Variants in TSHZ2 observed in about 807,000 individuals in gnomAD.
TSHZ2 encodes the protein teashirt homolog 2.
A neutral mutation model predicts 74.4 loss-of-function variants in TSHZ2; 21 were observed. That is an observed-to-expected ratio of 0.28 (90% CI 0.20 to 0.41). The LOEUF (loss-of-function observed/expected upper bound fraction) is 0.41, where lower values mean the gene tolerates loss of function less well. Ranked by LOEUF, TSHZ2 falls within the 10% of genes least tolerant of loss-of-function variation. The pLI, the probability that TSHZ2 is intolerant of heterozygous loss-of-function variation, is 1.00. For missense variants in TSHZ2, 1,244 were observed against 1,293.5 expected, an observed-to-expected ratio of 0.96 and a Z score of 0.59; for synonymous variants, 540 against 515.3, an observed-to-expected ratio of 1.05 and a Z score of -0.65.
At chr20:53,218,998 T>C (rs1989495397) in intron 1 of TSHZ2, among the ~76,000 whole-genome samples, 1 of 152,174 alleles carries the variant, frequency 6.6e-6, no homozygotes, top group Admixed American at 6.5e-5. Flanking sequence ...CAAAACAAGA[T>C]TGGGCAAAAT....
chr20:53,414,200 A>T (rs1319842968), intron 2 of TSHZ2, among the ~76,000 whole-genome samples: 1 of 152,232 alleles, frequency 6.6e-6, no homozygotes, highest in Non-Finnish European at 1.5e-5. Context: ...GTTTATGTAG[A>T]GAACATTTCT....
intron 1 of TSHZ2, among the ~76,000 whole-genome samples, chr20:53,118,848 G>A (rs888199481): frequency 6.6e-6 from 1 of 152,186 alleles, no homozygotes; most frequent in Non-Finnish European, 1.5e-5. Context: ...AAAAGAGCCT[G>A]TTCCACAGGC....
At chr20:53,176,650 A>G (rs1685464292) in intron 1 of TSHZ2, among the ~76,000 whole-genome samples, 1 of 151,774 alleles carries the variant, frequency 6.6e-6, no homozygotes, top group Non-Finnish European at 1.5e-5. Context: ...TTATCTCTAA[A>G]TTATATTTTT....
intron 1 of TSHZ2, among the ~76,000 whole-genome samples, chr20:53,182,801 C>T (rs1009580109): frequency 2.0e-5 from 3 of 152,168 alleles, no homozygotes; most frequent in Non-Finnish European, 2.9e-5. Flanking sequence ...CTGTGTGTCT[C>T]TCCTCTCTTT....
intron 1 of TSHZ2, among the ~76,000 whole-genome samples, chr20:53,058,561 A>C (rs1047349576): frequency 6.6e-6 from 1 of 152,202 alleles, no homozygotes; most frequent in Admixed American, 6.5e-5. Flanking sequence ...CCACACACCC[A>C]TGAAGCTGAC....
intron 2 of TSHZ2, among the ~76,000 whole-genome samples, chr20:53,257,459 A>G (rs1990508135): frequency 6.6e-6 from 1 of 152,252 alleles, no homozygotes; most frequent in Non-Finnish European, 1.5e-5. Flanking sequence ...CATGCCTTAT[A>G]TAGTCAACCA....
rs1054905673 is a variant in TSHZ2 at position 53,074,916 on chromosome 20, T to C, written c.40+101583T>C. Reference sequence around the variant, plus strand: ...AGAAAGAACCCCAACCCTCCCAAGGTATTTGACCTTGCAGGTCAGTGTTTT... The same window carrying C: ...AGAAAGAACCCCAACCCTCCCAAGGCATTTGACCTTGCAGGTCAGTGTTTT... On this transcript the variant is annotated intron_variant, in intron 1 of 2. Transcript: ENST00000371497. This position sits in a 1 kb window ranked among gnomAD's most constrained non-coding sequence, Gnocchi z 5.9. Among the ~76,000 whole-genome samples the C allele has an allele frequency of 1.3e-5, 2 of 152,168 alleles. No individual in the cohort carries two copies. Among genetic ancestry groups the C allele is most frequent in the African/African-American group, 4.8e-5 (2 of 41,444 alleles).
intron 1 of TSHZ2, among the ~76,000 whole-genome samples, chr20:53,065,164 T>C (rs1008729902): frequency 3.9e-5 from 6 of 152,114 alleles, no homozygotes; most frequent in African/African-American, 1.4e-4. Context: ...CTTAAAGGAG[T>C]TGGTGACACT....
intron 2 of TSHZ2, among the ~76,000 whole-genome samples, chr20:53,330,414 C>A (rs1405856597): frequency 1.3e-5 from 2 of 152,054 alleles, no homozygotes; most frequent in Non-Finnish European, 2.9e-5. Flanking sequence ...ATGCCTTTAA[C>A]GTTAAGAGTG....
chr20:53,418,234 G>A (rs1983342017), intron 2 of TSHZ2, among the ~76,000 whole-genome samples: 1 of 152,176 alleles, frequency 6.6e-6, no homozygotes, highest in Non-Finnish European at 1.5e-5. Context: ...ATGGGTGTGG[G>A]ATCCTACTAC....
rs762992567 is a variant in TSHZ2 at position 53,226,427 on chromosome 20, G to GGTGTGTGTGT, written c.41-27064_41-27063insGTGTGTGTGT. Among the ~76,000 whole-genome samples the GGTGTGTGTGT allele has an allele frequency of 4.8e-3, 722 of 149,656 alleles. 12 individuals carry two copies. Among genetic ancestry groups the GGTGTGTGTGT allele is most frequent in the African/African-American group, 0.017 (681 of 40,628 alleles). On this transcript the variant is annotated intron_variant, in intron 1 of 2. Coordinates refer to ENST00000371497, the MANE Select transcript of TSHZ2 (RefSeq NM_173485.6). ...GTTATTGTCATGAAGTGTGTGGGTC[G>GGTGTGTGTGT]GTGTGTGTATGTGTGTGTGTGTGTG...
At chr20:53,295,054 A>G (rs1458669976) in intron 2 of TSHZ2, among the ~76,000 whole-genome samples, 1 of 152,190 alleles carries the variant, frequency 6.6e-6, no homozygotes, top group African/African-American at 2.4e-5. Context: ...CTTTCCATTT[A>G]GTACATTTCT....
intron 1 of TSHZ2, among the ~76,000 whole-genome samples, chr20:53,175,225 T>C (rs111297189): frequency 8.0e-5 from 11 of 138,286 alleles, no homozygotes; most frequent in African/African-American, 2.9e-4. Flanking sequence ...TGCTGCAACC[T>C]CCTCTTCCCA....
At chr20:53,472,666 G>T (rs935156818) in intron 2 of TSHZ2, among the ~76,000 whole-genome samples, 1 of 152,036 alleles carries the variant, frequency 6.6e-6, no homozygotes, top group African/African-American at 2.4e-5. Context: ...CAAGATGGCC[G>T]AATAGGAACA....
At chr20:53,360,030 T>C (rs1186568629) in intron 2 of TSHZ2, among the ~76,000 whole-genome samples, 3 of 152,210 alleles carry the variant, frequency 2.0e-5, no homozygotes, top group Non-Finnish European at 4.4e-5. Context: ...ACATTGACTT[T>C]AGTACTAGAA....
intron 1 of TSHZ2, among the ~76,000 whole-genome samples, chr20:53,204,657 G>A (rs973354267): frequency 7.9e-5 from 12 of 151,904 alleles, no homozygotes; most frequent in African/African-American, 1.7e-4. Flanking sequence ...ACCATTTACC[G>A]GGTTCCTACC....
intron 2 of TSHZ2, among the ~76,000 whole-genome samples, chr20:53,308,188 G>A (rs1397326476): frequency 2.6e-5 from 4 of 152,190 alleles, no homozygotes. Context: ...AGTCATGTTT[G>A]GTCTCCAGTT....
At chr20:53,410,248 C>G (rs962145535) in intron 2 of TSHZ2, among the ~76,000 whole-genome samples, 5 of 152,126 alleles carry the variant, frequency 3.3e-5, no homozygotes, top group African/African-American at 1.2e-4. Flanking sequence ...CCTGACTTAC[C>G]ACTTACATAG....
intron 2 of TSHZ2, among the ~76,000 whole-genome samples, chr20:53,322,699 C>T (rs1286997561): frequency 6.6e-6 from 1 of 152,120 alleles, no homozygotes. Flanking sequence ...GGGGAGGGCC[C>T]TGATGCAAAT....
Sources: gnomAD v4.1 joint callset for allele counts (sites outside exome capture counted in the v4.1 genomes callset) on GRCh38, gnomAD v4.1.1 for gene constraint, Gnocchi (gnomAD v3.1) non-coding constraint, MANE v1.5 for transcripts, NCBI Gene and HGNC (gene_info 2026-07-23, HGNC 2026-07-21) for gene names.